UBTD1: variants seen among roughly 807,000 people sequenced by gnomAD.
The protein encoded by UBTD1 is ubiquitin domain containing 1.
In UBTD1, 19 loss-of-function variants were observed where a neutral mutation model predicts 21.7. The observed-to-expected ratio is 0.87, with a 90% CI of 0.61 to 1.28. The LOEUF (loss-of-function observed/expected upper bound fraction) is 1.28. UBTD1 is among the 50% of genes most tolerant of loss of function. UBTD1 has a pLI of 0.00. For missense variants in UBTD1, 282 were observed against 315.1 expected (o/e 0.89, Z 0.80); for synonymous variants, 116 against 135.1 (o/e 0.86, Z 0.98).
chr10:97,528,907 C>T (rs543588088), intron 1 of UBTD1, among the ~76,000 whole-genome samples: 123 of 149,610 alleles, frequency 8.2e-4, no homozygotes, highest in African/African-American at 3.0e-3. Flanking sequence ...GCTGACCCCC[C>T]ACCTCCCTCC....
intron 1 of UBTD1, among the ~76,000 whole-genome samples, chr10:97,530,421 GA>G (rs2040523634): frequency 6.6e-6 from 1 of 152,230 alleles, no homozygotes; most frequent in Non-Finnish European, 1.5e-5. Flanking sequence ...CTGGGCTACA[GA>G]GTGAGACCCC....
chr10:97,501,523 G>A lies in UBTD1; in HGVS notation c.70+2250G>A, dbSNP rs2153547. On this transcript the variant is annotated intron_variant, in intron 1 of 2. Transcript: ENST00000370664. ...GGAGATTGCTTGAACTGGAAGTTTC[G>A]CAGAGGTTGTAGTGAGCTGAGATTG... 9.5e-4 allele frequency among the ~76,000 whole-genome samples: 144 copies of A among 152,274 alleles called. 3 individuals are homozygous for A. The East Asian group carries it at 0.023, about 25-fold the overall frequency.
chr10:97,514,640 C>T (rs754700003), intron 1 of UBTD1, among the ~76,000 whole-genome samples: 7 of 152,056 alleles, frequency 4.6e-5, no homozygotes, highest in Non-Finnish European at 7.3e-5. Flanking sequence ...TCAGGAGCCC[C>T]GAGGAACCGG....
intron 1 of UBTD1, among the ~76,000 whole-genome samples, chr10:97,550,787 C>T (rs2040633479): frequency 6.6e-6 from 1 of 152,178 alleles, no homozygotes; most frequent in African/African-American, 2.4e-5. Flanking sequence ...CAGCTCTGGG[C>T]AACTTGGAGA....
intron 1 of UBTD1, among the ~76,000 whole-genome samples, chr10:97,534,228 G>A (rs975050396): frequency 1.3e-5 from 2 of 152,184 alleles, no homozygotes; most frequent in African/African-American, 4.8e-5. Context: ...CACCTCCCAT[G>A]TGGTCCACTC....
At position 97,568,151 on chromosome 10, in the gene UBTD1, C is replaced by T; in HGVS notation, c.298+10C>T. Reference sequence around the variant, plus strand: ...ATCACCCTGCCTCATGGTAAGTGGGCAGGGCCAGGGCTTTATCCCCGCTGG... The same window carrying T: ...ATCACCCTGCCTCATGGTAAGTGGGTAGGGCCAGGGCTTTATCCCCGCTGG... On this transcript the variant is annotated intron_variant, in intron 2 of 2. Coordinates refer to ENST00000370664, the MANE Select transcript of UBTD1 (RefSeq NM_024954.5). 9.3e-6 allele frequency: 15 copies of T among 1,613,204 alleles called. No homozygotes were observed. The highest frequency in any genetic ancestry group is 1.3e-5 in the Non-Finnish European group (15 of 1,179,846).
In UBTD1 at chr10:97,569,289, T is replaced by C. The variant is rs541316665; in HGVS notation, c.299-849T>C. On this transcript the variant is annotated intron_variant, in intron 2 of 2. Coordinates refer to ENST00000370664, the MANE Select transcript of UBTD1 (RefSeq NM_024954.5). ...CATTTAGTCCAGTCCCAGCACTTAG[T>C]AGGTGCTCAAGAGACAATAAACATA... Among the ~76,000 whole-genome samples, 23 of 152,334 alleles carry C rather than the reference T, an allele frequency of 1.5e-4. No homozygotes were observed. In the East Asian group the frequency reaches 4.4e-3, roughly 29 times the overall value.
At chr10:97,505,565 A>T (rs752258701) in intron 1 of UBTD1, among the ~76,000 whole-genome samples, 1 of 152,254 alleles carries the variant, frequency 6.6e-6, no homozygotes, top group Non-Finnish European at 1.5e-5. Context: ...AATTACTTTC[A>T]TGGCTACACA....
intron 1 of UBTD1, among the ~76,000 whole-genome samples, chr10:97,527,663 A>C (rs1330449457): frequency 2.0e-5 from 3 of 152,000 alleles, no homozygotes; most frequent in Non-Finnish European, 2.9e-5. Context: ...CTTAACGAGC[A>C]TGCTGCCTTC....
chr10:97,500,677 T>C (rs1260225440), intron 1 of UBTD1, among the ~76,000 whole-genome samples: 1 of 152,238 alleles, frequency 6.6e-6, no homozygotes, highest in African/African-American at 2.4e-5. Flanking sequence ...TGTCTTGGTT[T>C]TCCTTTCTGA....
intron 1 of UBTD1, among the ~76,000 whole-genome samples, chr10:97,515,877 A>G (rs1453139216): frequency 1.3e-5 from 2 of 152,058 alleles, no homozygotes; most frequent in African/African-American, 4.8e-5. Flanking sequence ...GGCAGGAGCC[A>G]CTCCTGATAC....
intron 1 of UBTD1, among the ~76,000 whole-genome samples, chr10:97,516,571 C>G (rs1290277659): frequency 1.3e-5 from 2 of 151,522 alleles, no homozygotes; most frequent in Non-Finnish European, 2.9e-5. Context: ...GTCAGGAGAT[C>G]AAGACCATCC....
In UBTD1 at chr10:97,499,243, G is replaced by A. The variant is rs1349771226; in HGVS notation, c.40G>A (p.Ala14Thr). The A allele has an allele frequency of 1.3e-6, 2 of 1,548,342 alleles. No homozygotes were observed. The highest frequency in any genetic ancestry group is 2.4e-5 in the South Asian group (2 of 83,576). ...GGGGAGACAGCGCCGGGAGAGGCCG[G>A]CAGCCCCGGGACACCCCCGCAAGCG... ...CVGRQRRERP[A>T]APGHPRKRAG... The change falls in exon 1 of 3, where the codon GCA becomes ACA. Residue 14 changes from alanine to threonine, a missense_variant. By Grantham distance (58) the Ala-to-Thr change is moderately conservative. Transcript: ENST00000370664.
intron 1 of UBTD1, among the ~76,000 whole-genome samples, chr10:97,515,248 T>C (rs1213835833): frequency 6.6e-6 from 1 of 152,234 alleles, no homozygotes; most frequent in African/African-American, 2.4e-5. Flanking sequence ...TTTAATGCAT[T>C]TCAGGCAAGG....
At chr10:97,502,855 ACG>A (rs1198776328) in intron 1 of UBTD1, among the ~76,000 whole-genome samples, 5 of 148,822 alleles carry the variant, frequency 3.4e-5, no homozygotes, top group African/African-American at 1.2e-4. Context: ...ATACATATAT[ACG>A]TATATATACG....
At chr10:97,559,970 C>T (rs2040684900) in intron 1 of UBTD1, among the ~76,000 whole-genome samples, 1 of 152,104 alleles carries the variant, frequency 6.6e-6, no homozygotes, top group Admixed American at 6.5e-5. Flanking sequence ...TTTTCTCATA[C>T]ACCTTGCACA....
At chr10:97,529,580 A>G (rs1455819016) in intron 1 of UBTD1, among the ~76,000 whole-genome samples, 1 of 136,298 alleles carries the variant, frequency 7.3e-6, no homozygotes, top group Non-Finnish European at 1.6e-5. Flanking sequence ...CGGCCATCAC[A>G]GCGAAACCCC....
At chr10:97,508,106 C>T (rs2040406860) in intron 1 of UBTD1, among the ~76,000 whole-genome samples, 1 of 152,228 alleles carries the variant, frequency 6.6e-6, no homozygotes, top group Admixed American at 6.5e-5. Context: ...GGTTAATTCT[C>T]ACAACCACCC....
At chr10:97,514,731 G>T (rs1475465019) in intron 1 of UBTD1, among the ~76,000 whole-genome samples, 2 of 152,108 alleles carry the variant, frequency 1.3e-5, no homozygotes, top group African/African-American at 2.4e-5. Flanking sequence ...TGAAGGAGTT[G>T]GTCTGGGAGG....
Sources: allele counts gnomAD v4.1 joint callset (sites outside exome capture counted in the v4.1 genomes callset), GRCh38; gene constraint gnomAD v4.1.1; transcripts MANE v1.5; gene names NCBI Gene and HGNC (gene_info 2026-07-23, HGNC 2026-07-21).